DNAI1: variants seen among roughly 807,000 people sequenced by gnomAD.
DNAI1 encodes the protein dynein axonemal intermediate chain 1.
In DNAI1, 67 loss-of-function variants were observed where a neutral mutation model predicts 92.0. The ratio of observed to expected loss-of-function variants is 0.73; its 90% CI spans 0.60 to 0.89. The LOEUF (loss-of-function observed/expected upper bound fraction) is 0.89, where lower values mean the gene tolerates loss of function less well. Among genes scored for constraint, DNAI1 ranks in the 40% least tolerant of loss-of-function variants. The probability of loss-of-function intolerance (pLI) is 0.00; values close to 1 mark genes in which losing one functional copy is unlikely to be tolerated. For synonymous variants in DNAI1, 323 were observed against 319.6 expected, an observed-to-expected ratio of 1.01 and a Z score of -0.11; for missense variants, 839 against 866.6, an observed-to-expected ratio of 0.97 and a Z score of 0.40.
chr9:34,491,654 C>T (rs746766874), intron 8 of DNAI1, 100 bp downstream of exon 8: 72 of 1,300,072 alleles, frequency 5.5e-5, no homozygotes, highest in African/African-American at 1.9e-4. Flanking sequence ...GCTCCTCTGG[C>T]AGTCTGCCCT....
chr9:34,500,590 GGTA>G (rs1287813671), intron 10 of DNAI1, 129 bp from the exon 11 acceptor site: 8 of 700,850 alleles, frequency 1.1e-5, no homozygotes, highest in Non-Finnish European at 2.1e-5. Context: ...CTCTGAGATA[GGTA>G]GTAGTATTAT....
chr9:34,481,665 G>A (rs1274566543), intron 1 of DNAI1, among the ~76,000 whole-genome samples: 1 of 152,146 alleles, frequency 6.6e-6, no homozygotes, highest in Non-Finnish European at 1.5e-5. Flanking sequence ...TCGTGGTTTC[G>A]CTGGCTCAGG....
chr9:34,519,171 A>G (rs2132088181), intron 19 of DNAI1, among the ~76,000 whole-genome samples: 1 of 152,250 alleles, frequency 6.6e-6, no homozygotes, highest in Middle Eastern at 3.4e-3. Flanking sequence ...ATGCAAAACA[A>G]AATCCTCTGG....
chr9:34,489,251 A>G (rs962476773), intron 4 of DNAI1, 72 bp from the exon 5 acceptor site: 2 of 1,570,006 alleles, frequency 1.3e-6, no homozygotes, highest in Admixed American at 1.7e-5. Flanking sequence ...ATCTTAGAGA[A>G]TGAAAGCAGA....
rs987973780 is a variant in DNAI1, at chr9:34,517,186, C to T, written c.1819-99C>T. On this transcript the variant is annotated intron_variant, in intron 18 of 19. Transcript: ENST00000242317. ...CAGCTCCAGTGTGCTAGCCATTAGC[C>T]TTCTACAGTCTTTCCCCAGGAAGTC... 2.5e-5 allele frequency: 33 copies of T among 1,337,660 alleles called. No homozygotes were observed. In the South Asian group the frequency reaches 3.5e-4, roughly 14 times the overall value. 82.9% of individuals were successfully genotyped at this position (1,337,660 alleles called of 1,614,324 possible). A position where few individuals can be genotyped will look rare whatever the true frequency, so the allele number is the denominator to read the frequency against.
At chr9:34,472,388 G>C (rs1025338306) in intron 1 of DNAI1, among the ~76,000 whole-genome samples, 1 of 152,148 alleles carries the variant, frequency 6.6e-6, no homozygotes, top group African/African-American at 2.4e-5. Context: ...TTTTAAATCC[G>C]ATACTTTCTG....
At position 34,485,203 on chromosome 9, in the gene DNAI1, CAGTT is replaced by C. The variant is rs2132057373; in HGVS notation, c.146_149del (p.Val49AspfsTer8). 2 of 1,614,174 alleles carry C rather than the reference CAGTT, an allele frequency of 1.2e-6. No homozygotes were observed. The highest frequency in any genetic ancestry group is 1.7e-6 in the Non-Finnish European group (2 of 1,180,026). On this transcript the variant is annotated frameshift_variant, in exon 3 of 20. Coordinates refer to ENST00000242317, the MANE Select transcript of DNAI1 (RefSeq NM_012144.4). LOFTEE classifies it high-confidence loss of function. ...GATGAATGGGCCCAATCCAAAGCCA[CAGTT>C]AGACCCCCTGACCAGCTGGAGTTGA... is the stretch of plus-strand genomic sequence containing the variant.
At chr9:34,461,464 C>G (rs376359003) in intron 1 of DNAI1, among the ~76,000 whole-genome samples, 1 of 152,192 alleles carries the variant, frequency 6.6e-6, no homozygotes, top group Non-Finnish European at 1.5e-5. Flanking sequence ...TATGCCCCAC[C>G]CCTGGCCTGC....
chr9:34,511,863 G>A (rs1489322422), intron 13 of DNAI1, among the ~76,000 whole-genome samples: 1 of 152,158 alleles, frequency 6.6e-6, no homozygotes, highest in African/African-American at 2.4e-5. Flanking sequence ...GTAAATTAAG[G>A]CAATGCTTTG....
intron 12 of DNAI1, 88 bp downstream of exon 12, chr9:34,501,269 G>A: frequency 1.8e-6 from 2 of 1,137,548 alleles, no homozygotes; most frequent in Admixed American, 3.4e-5. Context: ...CCAGTTGTAA[G>A]AAATACAAAG....
rs951435814 is a variant in DNAI1 at position 34,494,129 on chromosome 9, G to C, written c.816+801G>C. On this transcript the variant is annotated intron_variant, in intron 9 of 19. Coordinates refer to ENST00000242317, the MANE Select transcript of DNAI1 (RefSeq NM_012144.4). ...AGGGACAATGTCCACAGGAATCTGG[G>C]GGCTGGTTTTCAGCACCTCGGAGAG... Among the ~76,000 whole-genome samples, 8 of 152,160 alleles carry C rather than the reference G, an allele frequency of 5.3e-5. 1 individual carries two copies. The East Asian group carries it at 7.7e-4, about 15-fold the overall frequency.
chr9:34,492,910 G>A (rs929830274), intron 8 of DNAI1, among the ~76,000 whole-genome samples: 1 of 151,990 alleles, frequency 6.6e-6, no homozygotes, highest in Non-Finnish European at 1.5e-5. Context: ...TCTGCCTGCT[G>A]GGGGCTGCAT....
rs1023351345 is a variant in DNAI1 at position 34,484,036 on chromosome 9, C to T, written c.81+556C>T. Reference sequence around the variant, plus strand: ...TTCGAGACCAGCCTGGCCAACATGGCGAAACCCCATCTCTACTAAAATACA... The same window carrying T: ...TTCGAGACCAGCCTGGCCAACATGGTGAAACCCCATCTCTACTAAAATACA... On this transcript the variant is annotated intron_variant, in intron 2 of 19. Coordinates refer to ENST00000242317, the MANE Select transcript of DNAI1 (RefSeq NM_012144.4). 1.2e-4 allele frequency among the ~76,000 whole-genome samples: 18 copies of T among 151,838 alleles called. 1 individual carries two copies. The highest frequency in any genetic ancestry group is 9.2e-4 in the Admixed American group (14 of 15,236).
Position 34,479,742 on chromosome 9 carries a change from G to A in DNAI1, c.49-3706G>A, listed in dbSNP as rs12236384. ...CCAAAGGAAAGTAGCTCTCTGGCTC[G>A]TGTGGCTTAGCCTCAGAGAAGGGTT... On this transcript the variant is annotated intron_variant, in intron 1 of 19. Transcript: ENST00000242317. 4.2e-3 allele frequency among the ~76,000 whole-genome samples: 638 copies of A among 152,226 alleles called. 22 individuals carry two copies. In the East Asian group the frequency reaches 0.09, roughly 22 times the overall value.
Position 34,509,459 on chromosome 9 carries a change from G to A in DNAI1, c.1311+2585G>A, listed in dbSNP as rs148637028. Among the ~76,000 whole-genome samples, 309 of 152,218 alleles carry A rather than the reference G, an allele frequency of 2.0e-3. 1 individual carries two copies. The highest frequency in any genetic ancestry group is 7.1e-3 in the African/African-American group (295 of 41,508). ...GATGAGATTAATATTAAAAAGAGAT[G>A]AGAAAATATTAAAAAGATGAGAGTG... is the stretch of plus-strand genomic sequence containing the variant. On this transcript the variant is annotated intron_variant, in intron 13 of 19. Coordinates refer to ENST00000242317, the MANE Select transcript of DNAI1 (RefSeq NM_012144.4).
chr9:34,467,188 T>C (rs377327718), intron 1 of DNAI1, among the ~76,000 whole-genome samples: 4 of 152,352 alleles, frequency 2.6e-5, no homozygotes, highest in African/African-American at 4.8e-5. Context: ...CTCAGATTTC[T>C]TCTAGTCCAA....
intron 1 of DNAI1, among the ~76,000 whole-genome samples, chr9:34,466,408 A>G (rs368703719): frequency 7.9e-5 from 12 of 152,368 alleles, no homozygotes; most frequent in African/African-American, 2.9e-4. Flanking sequence ...GTATATGGAC[A>G]AAATAATCTG....
intron 12 of DNAI1, among the ~76,000 whole-genome samples, chr9:34,504,371 C>A (rs1333317707): frequency 6.6e-6 from 1 of 152,212 alleles, no homozygotes; most frequent in Non-Finnish European, 1.5e-5. Context: ...AATGGAAATT[C>A]ATCCACCTCA....
intron 18 of DNAI1, 84 bp from the exon 19 acceptor site, chr9:34,517,201 C>T (rs1825185017): frequency 2.7e-6 from 4 of 1,475,668 alleles, no homozygotes; most frequent in South Asian, 2.4e-5. Flanking sequence ...ACAGTCTTTC[C>T]CCAGGAAGTC....
Sources: allele counts gnomAD v4.1 joint callset (sites outside exome capture counted in the v4.1 genomes callset), GRCh38; gene constraint gnomAD v4.1.1; transcripts MANE v1.5; gene names NCBI Gene and HGNC (gene_info 2026-07-23, HGNC 2026-07-21).